The following TMC2 variants were observed in gnomAD, a reference collection of about 807,000 sequenced individuals.
TMC2 encodes transmembrane channel-like protein 2.
In TMC2, 102 loss-of-function variants were observed where a neutral mutation model predicts 105.9. That is an observed-to-expected ratio of 0.96 (90% confidence interval 0.82 to 1.14). The LOEUF is 1.14. Ranked by LOEUF, TMC2 falls within the 50% of genes most tolerant of loss-of-function variation. The probability of loss-of-function intolerance (pLI) is 0.00; values close to 1 mark genes in which losing one functional copy is unlikely to be tolerated. For missense variants in TMC2, 1,093 were observed against 1,134.3 expected, an observed-to-expected ratio of 0.96 and a Z score of 0.52; for synonymous variants, 402 against 422.8, an observed-to-expected ratio of 0.95 and a Z score of 0.60.
At chr20:2,569,294 T>A (rs1352009718) in intron 4 of TMC2, among the ~76,000 whole-genome samples, 3 of 152,242 alleles carry the variant, frequency 2.0e-5, no homozygotes, top group Non-Finnish European at 4.4e-5. Context: ...GAATATTTAA[T>A]AGACAAATTG....
intron 2 of TMC2, among the ~76,000 whole-genome samples, chr20:2,539,983 T>G (rs1568498871): frequency 8.1e-6 from 1 of 123,418 alleles, no homozygotes; most frequent in Non-Finnish European, 1.7e-5. Flanking sequence ...TTCTTTTCTT[T>G]TCTTTTCTTT....
chr20:2,637,337 G>A (rs1012291356), intron 18 of TMC2, 137 bp from the exon 19 acceptor site: 23 of 571,664 alleles, frequency 4.0e-5, no homozygotes, highest in Admixed American at 2.4e-4. Flanking sequence ...GCAGTGAGCC[G>A]AGTTCACGCC....
chr20:2,552,580 A>G (rs1012262578), intron 2 of TMC2, among the ~76,000 whole-genome samples: 2 of 152,140 alleles, frequency 1.3e-5, no homozygotes, highest in Admixed American at 1.3e-4. Flanking sequence ...CAGTGGCACA[A>G]TCTCGGCTCA....
At chr20:2,608,012 T>C (rs112307729) in intron 11 of TMC2, among the ~76,000 whole-genome samples, 12,493 of 151,612 alleles carry the variant, frequency 0.082, 1,420 homozygotes, top group African/African-American at 0.25. Flanking sequence ...TAGTCCCAGC[T>C]ACTTGGGAGG....
chr20:2,634,439 G>C (rs1463587483), intron 17 of TMC2, among the ~76,000 whole-genome samples: 2 of 152,228 alleles, frequency 1.3e-5, no homozygotes, highest in Non-Finnish European at 2.9e-5. Context: ...ATTGCCAACA[G>C]CAAACACTTG....
At chr20:2,569,384 A>G (rs1257038911) in intron 4 of TMC2, among the ~76,000 whole-genome samples, 6 of 152,228 alleles carry the variant, frequency 3.9e-5, no homozygotes, top group African/African-American at 1.2e-4. Flanking sequence ...ACAAATACCT[A>G]TCCAATGATG....
chr20:2,573,561 C>CTT lies in TMC2; in HGVS notation c.645+1308_645+1309dup, dbSNP rs370771531. Among the ~76,000 whole-genome samples the CTT allele has an allele frequency of 5.4e-3, 633 of 116,990 alleles. 18 individuals carry two copies. The highest frequency in any genetic ancestry group is 0.018 in the African/African-American group (536 of 30,404). The allele number at this position is 116,990 out of a possible 152,430, so 76.7% of individuals were successfully genotyped here. A position where few individuals can be genotyped will look rare whatever the true frequency, so the allele number is the denominator to read the frequency against. On this transcript the variant is annotated intron_variant, in intron 5 of 19. Transcript: ENST00000358864. ...AATTCTTTTTTTTTTCTTTTCTTTT[C>CTT]TTTTTTTTTTTTTTTTTGAGACGGA...
chr20:2,576,630 A>G (rs956230235), intron 5 of TMC2, among the ~76,000 whole-genome samples: 1 of 152,234 alleles, frequency 6.6e-6, no homozygotes, highest in African/African-American at 2.4e-5. Context: ...CTGCTACATG[A>G]AACCAGATGC....
At chr20:2,566,080 C>T (rs2086062140) in intron 4 of TMC2, among the ~76,000 whole-genome samples, 1 of 152,058 alleles carries the variant, frequency 6.6e-6, no homozygotes, top group Admixed American at 6.6e-5. Context: ...ACATAAAAAG[C>T]AACAGCAGTG....
intron 17 of TMC2, 100 bp downstream of exon 17, chr20:2,624,496 C>T (rs2086550439): frequency 7.3e-7 from 1 of 1,368,762 alleles, no homozygotes; most frequent in Non-Finnish European, 1.0e-6. Flanking sequence ...TTAGTCTGCA[C>T]TCCCCAGAAG....
intron 10 of TMC2, among the ~76,000 whole-genome samples, chr20:2,600,636 T>C (rs1317336781): frequency 6.6e-6 from 1 of 151,984 alleles, no homozygotes; most frequent in Non-Finnish European, 1.5e-5. Context: ...TCCTGGCTAA[T>C]ACAGTGAAAC....
chr20:2,624,615 G>A (rs1424298067), intron 17 of TMC2, among the ~76,000 whole-genome samples: 1 of 152,154 alleles, frequency 6.6e-6, no homozygotes, highest in East Asian at 1.9e-4. Context: ...GAGAATTCTG[G>A]GAGGCAGTGT....
intron 7 of TMC2, 69 bp downstream of exon 7, chr20:2,580,125 C>A: frequency 4.6e-6 from 4 of 874,236 alleles, no homozygotes; most frequent in South Asian, 3.2e-5. Context: ...AATTATCAAC[C>A]AAATACTTCC....
chr20:2,637,563 T>C lies in TMC2; in HGVS notation c.2475T>C (p.Asn825=). The C allele has an allele frequency of 6.2e-7, 1 of 1,613,790 alleles. No individual in the cohort carries two copies. The highest frequency in any genetic ancestry group is 8.5e-7 in the Non-Finnish European group (1 of 1,179,832). The part of the protein sequence containing the change: ...SEDTPKSSSK[N]ATQLQLTKEE... The stretch of plus-strand genomic sequence containing the variant: ...ACACACCTAAAAGCAGCTCCAAAAA[T>C]GCCACCCAGCTCCAACTCACCAAGG... Residue 825 remains asparagine, a synonymous_variant, in exon 19 of 20, where the codon AAT becomes AAC. Transcript: ENST00000358864.
intron 7 of TMC2, among the ~76,000 whole-genome samples, chr20:2,590,932 A>T (rs1266483039): frequency 2.0e-5 from 3 of 152,180 alleles, no homozygotes; most frequent in African/African-American, 4.8e-5. Context: ...TAATACATTT[A>T]ATAAATCAGA....
Position 2,641,309 on chromosome 20 carries a change from G to T in TMC2, c.2679G>T (p.Trp893Cys). Reference protein sequence around the residue: ...SGHAPSQTHPWRSASGKSAQR... With the variant: ...SGHAPSQTHPCRSASGKSAQR... ...ACGCCCCATCTCAGACTCATCCGTG[G>T]AGGTCAGCCTCTGGAAAGAGTGCTC... Residue 893 changes from tryptophan (W) to cysteine (C), a missense_variant, in exon 20 of 20, where the codon TGG becomes TGT. Trp to Cys is a radical substitution (Grantham distance 215). Transcript: ENST00000358864. 2 of 1,614,094 alleles carry T rather than the reference G, an allele frequency of 1.2e-6. No individual in the cohort carries two copies. Among genetic ancestry groups the T allele is most frequent in the Middle Eastern group, 3.3e-4 (2 of 6,062 alleles).
At chr20:2,549,669 G>A (rs1467959229) in intron 2 of TMC2, among the ~76,000 whole-genome samples, 2 of 152,070 alleles carry the variant, frequency 1.3e-5, no homozygotes, top group Non-Finnish European at 2.9e-5. Flanking sequence ...CTTGAATTTG[G>A]GGGGCAGATG....
At chr20:2,640,170 T>C (rs778119507) in intron 19 of TMC2, among the ~76,000 whole-genome samples, 5 of 152,072 alleles carry the variant, frequency 3.3e-5, no homozygotes, top group Admixed American at 6.6e-5. Flanking sequence ...TTAGTAGAGA[T>C]GGGATTTCAC....
intron 11 of TMC2, among the ~76,000 whole-genome samples, chr20:2,602,981 A>G (rs150119476): frequency 6.6e-6 from 1 of 152,346 alleles, no homozygotes; most frequent in African/African-American, 2.4e-5. Flanking sequence ...AACAATAGCA[A>G]CCATGAAACA....
Sources: gnomAD v4.1 joint callset for allele counts (sites outside exome capture counted in the v4.1 genomes callset) on GRCh38, gnomAD v4.1.1 for gene constraint, MANE v1.5 for transcripts, NCBI Gene and HGNC (gene_info 2026-07-23, HGNC 2026-07-21) for gene names.